Variants in ADGRB3 observed in about 807,000 individuals in gnomAD.
The protein encoded by ADGRB3 is brain-specific angiogenesis inhibitor 3.
ADGRB3 carries 37 observed loss-of-function variants against 193.4 expected under a neutral mutation model. The observed-to-expected ratio is 0.19, with a 90% CI of 0.15 to 0.25. The LOEUF is 0.25. Ranked by LOEUF, ADGRB3 falls within the 10% of genes least tolerant of loss-of-function variation. The probability of loss-of-function intolerance (pLI) is 1.00; values close to 1 mark genes in which losing one functional copy is unlikely to be tolerated. For synonymous variants in ADGRB3, 690 were observed against 644.2 expected, an observed-to-expected ratio of 1.07 and a Z score of -1.08; for missense variants, 1,637 against 1,852.9, an observed-to-expected ratio of 0.88 and a Z score of 2.14.
At chr6:69,380,621 G>A (rs918398502) in intron 30 of ADGRB3, among the ~76,000 whole-genome samples, 9 of 151,792 alleles carry the variant, frequency 5.9e-5, no homozygotes, top group African/African-American at 1.9e-4. Flanking sequence ...ACTAATTTGA[G>A]GAATTTCAAA....
At chr6:68,806,514 TAAAAAG>T (rs1362137229) in intron 3 of ADGRB3, among the ~76,000 whole-genome samples, 3 of 152,146 alleles carry the variant, frequency 2.0e-5, no homozygotes, top group East Asian at 1.9e-4. Context: ...GCAATTGAAT[TAAAAAG>T]AAAAAGTACT....
At chr6:68,792,893 G>A (rs571833116) in intron 3 of ADGRB3, among the ~76,000 whole-genome samples, 2 of 152,220 alleles carry the variant, frequency 1.3e-5, no homozygotes, top group South Asian at 4.1e-4. Flanking sequence ...TACAGTCTCA[G>A]CAAAGTTAAC....
chr6:68,664,606 C>A (rs572661437), intron 3 of ADGRB3, among the ~76,000 whole-genome samples: 1 of 151,840 alleles, frequency 6.6e-6, no homozygotes, highest in Non-Finnish European at 1.5e-5. Context: ...TGTTTATCAG[C>A]CACCAAGGCT....
At chr6:68,967,371 A>C (rs545769705) in intron 8 of ADGRB3, among the ~76,000 whole-genome samples, 138 of 152,340 alleles carry the variant, frequency 9.1e-4, no homozygotes, top group Non-Finnish European at 4.9e-4. Flanking sequence ...CTATTTAATC[A>C]GCTTCTTCCT....
intron 20 of ADGRB3, among the ~76,000 whole-genome samples, chr6:69,317,682 C>T (rs970621183): frequency 2.6e-5 from 4 of 151,506 alleles, no homozygotes; most frequent in African/African-American, 7.3e-5. Flanking sequence ...ATAACTTTCT[C>T]TACCACTCTT....
intron 3 of ADGRB3, among the ~76,000 whole-genome samples, chr6:68,848,912 G>A (rs1306906753): frequency 6.6e-6 from 1 of 151,858 alleles, no homozygotes; most frequent in Non-Finnish European, 1.5e-5. Context: ...TTTTAACATT[G>A]ACAATTCAAA....
At chr6:69,201,791 T>C (rs1026002418) in intron 17 of ADGRB3, among the ~76,000 whole-genome samples, 5 of 152,208 alleles carry the variant, frequency 3.3e-5, no homozygotes, top group East Asian at 1.9e-4. Context: ...ATTTCCTCCC[T>C]GAATGGACTA....
intron 3 of ADGRB3, among the ~76,000 whole-genome samples, chr6:68,703,993 A>G (rs1765285923): frequency 6.6e-6 from 1 of 152,188 alleles, no homozygotes; most frequent in Non-Finnish European, 1.5e-5. Context: ...CTTTGTATTT[A>G]AAGGGGGCTT....
intron 17 of ADGRB3, among the ~76,000 whole-genome samples, chr6:69,185,192 A>G (rs1478841409): frequency 6.6e-6 from 1 of 152,178 alleles, no homozygotes; most frequent in Non-Finnish European, 1.5e-5. Context: ...AAATTCAAAA[A>G]CCTATACTAG....
At chr6:69,069,268 T>G (rs1235745419) in intron 16 of ADGRB3, among the ~76,000 whole-genome samples, 1 of 152,024 alleles carries the variant, frequency 6.6e-6, no homozygotes, top group Non-Finnish European at 1.5e-5. Context: ...CCTTGCATGG[T>G]GTTTTACTCT....
chr6:68,913,561 A>G (rs1414725875), intron 3 of ADGRB3, among the ~76,000 whole-genome samples: 4 of 152,138 alleles, frequency 2.6e-5, no homozygotes, highest in Non-Finnish European at 5.9e-5. Flanking sequence ...ATCATCAAAG[A>G]CCAAAAGTAG....
intron 20 of ADGRB3, among the ~76,000 whole-genome samples, chr6:69,317,639 G>A (rs1418079702): frequency 6.6e-6 from 1 of 151,162 alleles, no homozygotes; most frequent in African/African-American, 2.4e-5. Flanking sequence ...TATTACCCAC[G>A]CCCTGCCCTG....
chr6:68,978,274 T>C (rs1451526296), intron 10 of ADGRB3, among the ~76,000 whole-genome samples: 2 of 151,062 alleles, frequency 1.3e-5, no homozygotes, highest in Admixed American at 6.6e-5. Flanking sequence ...TAGAAAAGTA[T>C]AGATAAATTA....
chr6:68,709,186 A>G (rs1398724128), intron 3 of ADGRB3, among the ~76,000 whole-genome samples: 2 of 152,186 alleles, frequency 1.3e-5, no homozygotes, highest in African/African-American at 2.4e-5. Context: ...TAAATCCAAA[A>G]TGAGATGCAG....
intron 3 of ADGRB3, among the ~76,000 whole-genome samples, chr6:68,911,106 A>T (rs983735395): frequency 6.6e-6 from 1 of 152,126 alleles, no homozygotes; most frequent in Non-Finnish European, 1.5e-5. Flanking sequence ...TGATGAGTTC[A>T]TGTCTTTGTA....
At chr6:68,776,240 T>C (rs1766744389) in intron 3 of ADGRB3, among the ~76,000 whole-genome samples, 1 of 152,148 alleles carries the variant, frequency 6.6e-6, no homozygotes, top group South Asian at 2.1e-4. Flanking sequence ...TTATTTCTGG[T>C]CAGAGACTCT....
intron 3 of ADGRB3, among the ~76,000 whole-genome samples, chr6:68,667,481 T>G (rs984720004): frequency 4.6e-5 from 7 of 151,898 alleles, no homozygotes; most frequent in Non-Finnish European, 7.4e-5. Context: ...ATGATTCCAG[T>G]CTGAATTTAT....
chr6:68,940,753 G>A (rs1582332796), intron 5 of ADGRB3, among the ~76,000 whole-genome samples: 2 of 151,794 alleles, frequency 1.3e-5, no homozygotes, highest in African/African-American at 4.8e-5. Context: ...TTAGCCAGAC[G>A]TGGTGCCGCG....
At position 69,171,554 on chromosome 6, in the gene ADGRB3, C is replaced by G. The variant is rs186131354; in HGVS notation, c.2481-61736C>G. On this transcript the variant is annotated intron_variant, in intron 17 of 31. Transcript: ENST00000370598. ...CATATGATTTATCTTAGTCTCTTCC[C>G]TTGGGTATAGTTGTTGATTCTGTTA... 2.6e-3 allele frequency among the ~76,000 whole-genome samples: 401 copies of G among 152,222 alleles called. 2 individuals carry two copies. Among genetic ancestry groups the G allele is most frequent in the African/African-American group, 9.1e-3 (379 of 41,524 alleles).
Sources: gnomAD v4.1 joint callset for allele counts (sites outside exome capture counted in the v4.1 genomes callset) on GRCh38, gnomAD v4.1.1 for gene constraint, MANE v1.5 for transcripts, NCBI Gene and HGNC (gene_info 2026-07-23, HGNC 2026-07-21) for gene names.